Variants in CDH13 observed in about 807,000 individuals in gnomAD.
CDH13 encodes the protein cadherin-13.
In CDH13, 24 loss-of-function variants were observed where a neutral mutation model predicts 63.8. That is an observed-to-expected ratio of 0.38 (90% CI 0.27 to 0.53). The LOEUF is 0.53. CDH13 is among the 20% of genes least tolerant of loss of function. The probability of loss-of-function intolerance (pLI) is 0.85; values close to 1 mark genes in which losing one functional copy is unlikely to be tolerated. For missense variants in CDH13, 1,049 were observed against 903.1 expected (o/e 1.16, Z -2.07); for synonymous variants, 503 against 355.3 (o/e 1.42, Z -4.67).
chr16:83,255,484 A>C (rs964132368), intron 5 of CDH13, among the ~76,000 whole-genome samples: 8 of 152,198 alleles, frequency 5.3e-5, no homozygotes, highest in African/African-American at 1.7e-4. Context: ...CTTACTCCAC[A>C]TGAGAACGTC....
chr16:82,656,728 T>A (rs908304355), intron 1 of CDH13, among the ~76,000 whole-genome samples: 6 of 152,176 alleles, frequency 3.9e-5, no homozygotes, highest in African/African-American at 1.4e-4. Flanking sequence ...TTGCTCTGCC[T>A]ATTTGCCTAC....
chr16:83,692,373 C>T (rs1409541659), intron 10 of CDH13, among the ~76,000 whole-genome samples: 7 of 152,152 alleles, frequency 4.6e-5, no homozygotes, highest in Non-Finnish European at 8.8e-5. Context: ...TGCATTCTTC[C>T]CGGCTTGCTC....
intron 6 of CDH13, among the ~76,000 whole-genome samples, chr16:83,380,125 T>G (rs750947187): frequency 1.3e-5 from 2 of 152,022 alleles, no homozygotes; most frequent in Admixed American, 1.3e-4. Context: ...TGCGTGAGGA[T>G]GAGAGTGGTT....
chr16:82,864,202 C>T (rs761836633), intron 2 of CDH13, among the ~76,000 whole-genome samples: 11 of 152,046 alleles, frequency 7.2e-5, no homozygotes, highest in Non-Finnish European at 1.2e-4. Context: ...TTTAATATGT[C>T]GTTGTTTCTG....
chr16:83,788,116 A>G (rs896289038), intron 13 of CDH13, among the ~76,000 whole-genome samples: 2 of 152,230 alleles, frequency 1.3e-5, no homozygotes, highest in Non-Finnish European at 2.9e-5. Flanking sequence ...CCCAGAAAGT[A>G]GACAATTAAG....
chr16:83,232,950 A>G (rs1254614416), intron 5 of CDH13, among the ~76,000 whole-genome samples: 1 of 152,058 alleles, frequency 6.6e-6, no homozygotes, highest in East Asian at 1.9e-4. Context: ...AAAATGTGTC[A>G]CCCTGAAATG....
rs1472391722 is a variant in CDH13 at position 83,146,206 on chromosome 16, A to AAAAAAG, written c.483+20709_483+20710insAGAAAA. 8.6e-4 allele frequency among the ~76,000 whole-genome samples: 127 copies of AAAAAAG among 147,826 alleles called. 1 individual carries two copies. Among genetic ancestry groups the AAAAAAG allele is most frequent in the African/African-American group, 3.1e-3 (120 of 38,118 alleles). On this transcript the variant is annotated intron_variant, in intron 4 of 13. Transcript: ENST00000567109. ...AAGACTCTGTCTCAAAAAAAAAAAA[A>AAAAAAG]AAAAGAAAAGAAAAGGAAGGAGGGA...
intron 5 of CDH13, among the ~76,000 whole-genome samples, chr16:83,274,088 C>A (rs866033807): frequency 6.6e-6 from 1 of 152,188 alleles, no homozygotes; most frequent in Non-Finnish European, 1.5e-5. Flanking sequence ...AATCTTACAC[C>A]CTCTCGCCTT....
chr16:83,625,835 G>A (rs903097445), intron 8 of CDH13, among the ~76,000 whole-genome samples: 9 of 152,080 alleles, frequency 5.9e-5, no homozygotes, highest in Non-Finnish European at 1.2e-4. Flanking sequence ...AAGCAAGGTC[G>A]GCCTACCCTT....
chr16:83,097,048 A>C (rs1292077946), intron 3 of CDH13, among the ~76,000 whole-genome samples: 1 of 151,906 alleles, frequency 6.6e-6, no homozygotes, highest in Non-Finnish European at 1.5e-5. Context: ...AAGCAATACC[A>C]CTCTCCCTTG....
At chr16:83,445,889 C>T (rs2072672670) in intron 6 of CDH13, among the ~76,000 whole-genome samples, 1 of 152,100 alleles carries the variant, frequency 6.6e-6, no homozygotes, top group Admixed American at 6.6e-5. Flanking sequence ...ACAAACCACG[C>T]CGAACAACAG....
chr16:83,653,303 TG>T (rs1912563202), intron 8 of CDH13, among the ~76,000 whole-genome samples: 1 of 152,206 alleles, frequency 6.6e-6, no homozygotes, highest in African/African-American at 2.4e-5. Flanking sequence ...TTTTTTGGTA[TG>T]TGAATCATAG....
chr16:83,143,262 T>C (rs1273557340), intron 4 of CDH13, among the ~76,000 whole-genome samples: 2 of 152,202 alleles, frequency 1.3e-5, no homozygotes, highest in Non-Finnish European at 2.9e-5. Context: ...TAAAATTGAG[T>C]ATATTTGATC....
chr16:82,790,381 G>T (rs892035691), intron 1 of CDH13, among the ~76,000 whole-genome samples: 3 of 152,150 alleles, frequency 2.0e-5, no homozygotes, highest in African/African-American at 7.2e-5. Context: ...GTTGCAGTGA[G>T]CCAAGATCGC....
intron 6 of CDH13, among the ~76,000 whole-genome samples, chr16:83,454,641 G>A (rs960398467): frequency 1.3e-5 from 2 of 151,972 alleles, no homozygotes; most frequent in African/African-American, 2.4e-5. Flanking sequence ...CTAGGCCATC[G>A]ATTTTCTGCC....
intron 6 of CDH13, among the ~76,000 whole-genome samples, chr16:83,408,209 G>A (rs1024918360): frequency 6.6e-6 from 1 of 152,294 alleles, no homozygotes; most frequent in Non-Finnish European, 1.5e-5. Context: ...AGAACAATAA[G>A]TAATCTAAAT....
intron 5 of CDH13, among the ~76,000 whole-genome samples, chr16:83,247,053 G>C (rs1216039382): frequency 6.6e-6 from 1 of 152,206 alleles, no homozygotes; most frequent in Non-Finnish European, 1.5e-5. Context: ...GGTGAGAATG[G>C]ATACAGGACT....
intron 7 of CDH13, among the ~76,000 whole-genome samples, chr16:83,515,289 C>G (rs939440912): frequency 6.6e-6 from 1 of 152,162 alleles, no homozygotes; most frequent in Non-Finnish European, 1.5e-5. Flanking sequence ...GCTTTGAAAC[C>G]ACCACTACAA....
chr16:83,410,449 A>G (rs1171999872), intron 6 of CDH13, among the ~76,000 whole-genome samples: 1 of 152,206 alleles, frequency 6.6e-6, no homozygotes, highest in African/African-American at 2.4e-5. Flanking sequence ...ACCACAATCT[A>G]TAGATCAAGA....
Sources: gnomAD v4.1 joint callset for allele counts (sites outside exome capture counted in the v4.1 genomes callset) on GRCh38, gnomAD v4.1.1 for gene constraint, MANE v1.5 for transcripts, NCBI Gene and HGNC (gene_info 2026-07-23, HGNC 2026-07-21) for gene names.